BCR: variants seen among roughly 807,000 people sequenced by gnomAD.
BCR encodes the protein BCR activator of RhoGEF and GTPase.
A neutral mutation model predicts 138.6 loss-of-function variants in BCR; 58 were observed. The ratio of observed to expected loss-of-function variants is 0.42; its 90% CI spans 0.34 to 0.52. BCR has a LOEUF of 0.52. Ranked by LOEUF, BCR falls within the 20% of genes least tolerant of loss-of-function variation. The pLI, the probability that BCR is intolerant of heterozygous loss-of-function variation, is 0.06. For missense variants in BCR, 1,599 were observed against 1,727.2 expected, an observed-to-expected ratio of 0.93 and a Z score of 1.32; for synonymous variants, 786 against 730.1, an observed-to-expected ratio of 1.08 and a Z score of -1.23.
rs1023167083 is a variant in BCR at position 23,284,175 on chromosome 22, G to A, written c.2237+77G>A. On this transcript the variant is annotated intron_variant, in intron 9 of 22. Coordinates refer to ENST00000305877, the MANE Select transcript of BCR (RefSeq NM_004327.4). The stretch of plus-strand genomic sequence containing the variant: ...AGGTCATGGAGGGTCTTGTCATGGC[G>A]GAGGTCAGTGGTGATGTAGCTCGTT... 301 of 1,566,694 alleles carry A rather than the reference G, an allele frequency of 1.9e-4. 4 individuals are homozygous for A. Among genetic ancestry groups the A allele is most frequent in the Admixed American group, 7.8e-5 (4 of 51,014 alleles).
chr22:23,181,980 C>T lies in BCR; in HGVS notation c.1020C>T (p.Ser340=), dbSNP rs757926987. The T allele has an allele frequency of 2.5e-6, 4 of 1,613,382 alleles. No homozygotes were observed. Among genetic ancestry groups the T allele is most frequent in the South Asian group, 1.1e-5 (1 of 91,038 alleles). The change falls in exon 1 of 23, where the codon TCC becomes TCT. Residue 340 remains serine (S), a synonymous_variant. Transcript: ENST00000305877. The part of the protein sequence containing the change: ...PDCSSNENLT[S]SEEDFSSGQS... ...GCAGCTCCAATGAGAACCTCACCTC[C>T]AGCGAGGAGGACTTCTCCTCTGGCC...
intron 1 of BCR, among the ~76,000 whole-genome samples, chr22:23,225,321 T>A (rs1479762231): frequency 6.6e-6 from 1 of 152,144 alleles, no homozygotes; most frequent in East Asian, 1.9e-4. Context: ...TGAGATTTCC[T>A]CTCTGTCCCC....
chr22:23,190,190 G>A (rs571947625), intron 1 of BCR, among the ~76,000 whole-genome samples: 5 of 151,974 alleles, frequency 3.3e-5, no homozygotes, highest in African/African-American at 1.2e-4. Flanking sequence ...TTTTTGAGAC[G>A]GAGTTTCACT....
At chr22:23,305,988 G>A (rs1332834099) in intron 16 of BCR, among the ~76,000 whole-genome samples, 4 of 152,238 alleles carry the variant, frequency 2.6e-5, no homozygotes, top group Admixed American at 1.3e-4. Context: ...ACGAGAGAGC[G>A]TACCAGCCTT....
chr22:23,274,130 A>T (rs1245875410), intron 8 of BCR, among the ~76,000 whole-genome samples: 1 of 152,096 alleles, frequency 6.6e-6, no homozygotes, highest in Non-Finnish European at 1.5e-5. Flanking sequence ...GGTGAGTAGG[A>T]GGATGGCATT....
chr22:23,259,133 T>C (rs116728698), intron 2 of BCR, among the ~76,000 whole-genome samples: 1,784 of 152,400 alleles, frequency 0.012, 30 homozygotes, highest in African/African-American at 0.041. Flanking sequence ...CTGTGGCCTT[T>C]GGCATCATCA....
intron 1 of BCR, among the ~76,000 whole-genome samples, chr22:23,235,116 T>C (rs930624960): frequency 6.9e-6 from 1 of 144,018 alleles, no homozygotes; most frequent in Non-Finnish European, 1.6e-5. Context: ...TTGTTTTGTT[T>C]TTTTGAGATG....
chr22:23,291,871 C>G (rs2073791163), intron 14 of BCR, among the ~76,000 whole-genome samples: 1 of 152,198 alleles, frequency 6.6e-6, no homozygotes, highest in South Asian at 2.1e-4. Context: ...GGCCTCCTCC[C>G]TGGTCTTTGT....
chr22:23,291,549 G>A (rs76369804), intron 14 of BCR, among the ~76,000 whole-genome samples: 3,748 of 151,940 alleles, frequency 0.025, 155 homozygotes, highest in African/African-American at 0.084. Context: ...CTCCTCCCGG[G>A]TCCTGTCTGT....
intron 9 of BCR, 146 bp from the exon 10 acceptor site, chr22:23,284,887 A>G: frequency 2.3e-6 from 2 of 858,082 alleles, no homozygotes; most frequent in East Asian, 5.5e-5. Context: ...GCCTCATCCC[A>G]GTCTGTCCCA....
intron 1 of BCR, among the ~76,000 whole-genome samples, chr22:23,215,625 G>C (rs2072742859): frequency 6.6e-6 from 1 of 152,206 alleles, no homozygotes; most frequent in Non-Finnish European, 1.5e-5. Context: ...TCCATCTGCT[G>C]ATGGGGACAG....
At chr22:23,295,003 C>T (rs75865845) in intron 15 of BCR, 21 bp from the exon 16 acceptor site, 1 of 1,613,126 alleles carries the variant, frequency 6.2e-7, no homozygotes, top group African/African-American at 1.3e-5. Flanking sequence ...ACTGGACTTC[C>T]CTTCTCCCTT....
chr22:23,252,638 C>G (rs1276608081), intron 1 of BCR, among the ~76,000 whole-genome samples: 1 of 151,656 alleles, frequency 6.6e-6, no homozygotes, highest in Non-Finnish European at 1.5e-5. Context: ...ACCATATTGG[C>G]CAGGCTGGTC....
At chr22:23,290,436 G>A (rs1181024996) in intron 14 of BCR, 23 bp downstream of exon 14, 1 of 1,608,680 alleles carries the variant, frequency 6.2e-7, no homozygotes, top group Non-Finnish European at 8.5e-7. Context: ...TTGGGGAGGA[G>A]GGTTGCAGCG....
At chr22:23,207,145 C>T (rs184760847) in intron 1 of BCR, among the ~76,000 whole-genome samples, 2 of 152,142 alleles carry the variant, frequency 1.3e-5, no homozygotes, top group African/African-American at 2.4e-5. Context: ...GATGTGACAC[C>T]TACTGGGGTC....
At chr22:23,208,285 C>T (rs1468057472) in intron 1 of BCR, among the ~76,000 whole-genome samples, 2 of 152,182 alleles carry the variant, frequency 1.3e-5, no homozygotes, top group East Asian at 3.9e-4. Flanking sequence ...TCCCTTTCAC[C>T]TGTGCCGTGT....
intron 1 of BCR, among the ~76,000 whole-genome samples, chr22:23,216,644 C>T (rs1017201980): frequency 2.6e-5 from 4 of 152,262 alleles, no homozygotes; most frequent in Non-Finnish European, 4.4e-5. Flanking sequence ...GCGATTTAAT[C>T]GCAGTGCCAT....
chr22:23,258,686 C>G (rs889278916), intron 2 of BCR, among the ~76,000 whole-genome samples: 7 of 152,188 alleles, frequency 4.6e-5, no homozygotes, highest in African/African-American at 1.7e-4. Context: ...GGGTGTTACT[C>G]ACATACGATA....
At chr22:23,256,518 G>A (rs1051341295) in intron 2 of BCR, among the ~76,000 whole-genome samples, 1 of 152,146 alleles carries the variant, frequency 6.6e-6, no homozygotes, top group Admixed American at 6.5e-5. Flanking sequence ...GGTGTTCGCC[G>A]GCTGGGCCGC....
Sources: allele counts gnomAD v4.1 joint callset (sites outside exome capture counted in the v4.1 genomes callset), GRCh38; gene constraint gnomAD v4.1.1; transcripts MANE v1.5; gene names NCBI Gene and HGNC (gene_info 2026-07-23, HGNC 2026-07-21).